Variants in PTPRM observed in about 807,000 individuals in gnomAD.
PTPRM encodes receptor-type tyrosine-protein phosphatase mu.
In PTPRM, 47 loss-of-function variants were observed where a neutral mutation model predicts 186.7. The observed-to-expected ratio is 0.25, with a 90% confidence interval of 0.20 to 0.32. The LOEUF (loss-of-function observed/expected upper bound fraction) is 0.32, where lower values mean the gene tolerates loss of function less well. PTPRM is among the 10% of genes least tolerant of loss of function. The pLI, the probability that PTPRM is intolerant of heterozygous loss-of-function variation, is 1.00. For missense variants in PTPRM, 1,494 were observed against 1,865.0 expected (o/e 0.80, Z 3.66); for synonymous variants, 668 against 674.9 (o/e 0.99, Z 0.16).
chr18:8,043,010 C>T (rs1274216107), intron 7 of PTPRM, among the ~76,000 whole-genome samples: 2 of 152,198 alleles, frequency 1.3e-5, no homozygotes, highest in Non-Finnish European at 2.9e-5. Context: ...CCCAGGTCCT[C>T]AGCCCTCTGT....
At chr18:7,685,481 T>G (rs1231457173) in intron 1 of PTPRM, among the ~76,000 whole-genome samples, 1 of 152,198 alleles carries the variant, frequency 6.6e-6, no homozygotes, top group Admixed American at 6.5e-5. Context: ...TTAATGTGTA[T>G]TATAGGTGAG....
intron 7 of PTPRM, among the ~76,000 whole-genome samples, chr18:7,981,711 A>C (rs1022582097): frequency 1.3e-5 from 2 of 152,208 alleles, no homozygotes; most frequent in Admixed American, 6.5e-5. Context: ...TTCTGTGAAC[A>C]TCATAGAGTG....
intron 1 of PTPRM, among the ~76,000 whole-genome samples, chr18:7,767,174 TAAAC>T (rs1234705068): frequency 6.6e-6 from 1 of 152,208 alleles, no homozygotes; most frequent in Non-Finnish European, 1.5e-5. Context: ...TCAAGCTAAA[TAAAC>T]AGTCTTAGGT....
intron 22 of PTPRM, among the ~76,000 whole-genome samples, chr18:8,334,393 G>A (rs912989161): frequency 2.0e-5 from 3 of 152,112 alleles, no homozygotes; most frequent in Non-Finnish European, 4.4e-5. Context: ...GCCACACTGG[G>A]GAGCCTTGGA....
chr18:8,146,822 T>C (rs1035590236), intron 14 of PTPRM, among the ~76,000 whole-genome samples: 1 of 152,198 alleles, frequency 6.6e-6, no homozygotes, highest in Non-Finnish European at 1.5e-5. Context: ...CTTGAGTTGA[T>C]TTTTGTATCA....
Position 8,389,450 on chromosome 18 carries a change from A to G in PTPRM, c.4208+2215A>G, listed in dbSNP as rs550194389. ...GACATTGCTGTTCCATGTAAAACCT[A>G]AAGCAATCAGCCGTTCTTCACAGTG... is the stretch of plus-strand genomic sequence containing the variant. On this transcript the variant is annotated intron_variant, in intron 31 of 32. Transcript: ENST00000580170. 3.9e-4 allele frequency among the ~76,000 whole-genome samples: 59 copies of G among 152,310 alleles called. 2 individuals carry two copies. The South Asian group carries it at 4.6e-3, about 12-fold the overall frequency.
intron 1 of PTPRM, among the ~76,000 whole-genome samples, chr18:7,738,585 G>C (rs1006913886): frequency 6.7e-6 from 1 of 149,810 alleles, no homozygotes; most frequent in African/African-American, 2.4e-5. Context: ...ATAGGCGCCC[G>C]CCACCACACC....
At chr18:7,963,902 T>G (rs2053846377) in intron 7 of PTPRM, among the ~76,000 whole-genome samples, 1 of 152,232 alleles carries the variant, frequency 6.6e-6, no homozygotes, top group African/African-American at 2.4e-5. Flanking sequence ...CTGCAGCCCC[T>G]GACATGTTTG....
intron 7 of PTPRM, among the ~76,000 whole-genome samples, chr18:7,996,105 C>G (rs1222995350): frequency 6.6e-6 from 1 of 151,730 alleles, no homozygotes; most frequent in Non-Finnish European, 1.5e-5. Flanking sequence ...GAGACAAAAG[C>G]TTTTATTTCT....
chr18:7,672,459 A>G (rs559477535), intron 1 of PTPRM, among the ~76,000 whole-genome samples: 40 of 152,310 alleles, frequency 2.6e-4, no homozygotes, highest in African/African-American at 9.1e-4. Flanking sequence ...GTTTTACTCA[A>G]TTTTTATACC....
chr18:7,922,122 A>AGTTTGCCT (rs560192525), intron 4 of PTPRM, among the ~76,000 whole-genome samples: 59 of 152,258 alleles, frequency 3.9e-4, no homozygotes, highest in Non-Finnish European at 6.3e-4. Context: ...CTTAAGCCAA[A>AGTTTGCCT]GTTTGCCTCA....
intron 2 of PTPRM, among the ~76,000 whole-genome samples, chr18:7,796,474 C>G (rs2043654239): frequency 6.6e-6 from 1 of 152,188 alleles, no homozygotes; most frequent in African/African-American, 2.4e-5. Flanking sequence ...TTTGCTGGAG[C>G]CAATTCATTC....
At chr18:8,176,547 A>G (rs758110812) in intron 14 of PTPRM, among the ~76,000 whole-genome samples, 1 of 152,230 alleles carries the variant, frequency 6.6e-6, no homozygotes, top group Non-Finnish European at 1.5e-5. Context: ...GCTGTCAACT[A>G]TTAAGCTTAA....
intron 2 of PTPRM, among the ~76,000 whole-genome samples, chr18:7,842,676 G>T (rs1253296465): frequency 6.6e-6 from 1 of 151,862 alleles, no homozygotes; most frequent in East Asian, 1.9e-4. Flanking sequence ...TTTCAAGATT[G>T]TAACATAGAA....
chr18:7,793,854 A>G (rs1181355548), intron 2 of PTPRM, among the ~76,000 whole-genome samples: 2 of 152,144 alleles, frequency 1.3e-5, no homozygotes, highest in Non-Finnish European at 2.9e-5. Flanking sequence ...GCAGGCAGAC[A>G]CACAAGCAGC....
chr18:8,095,108 T>C (rs554149360), intron 11 of PTPRM, among the ~76,000 whole-genome samples: 10 of 152,102 alleles, frequency 6.6e-5, no homozygotes, highest in Non-Finnish European at 1.5e-4. Context: ...AGGAGGCTGC[T>C]AAGGGCTCTC....
chr18:8,400,038 C>T (rs956067554), intron 32 of PTPRM, among the ~76,000 whole-genome samples: 1 of 152,146 alleles, frequency 6.6e-6, no homozygotes, highest in South Asian at 2.1e-4. Context: ...CATGCTCTTG[C>T]ACCGGGAGAA....
intron 2 of PTPRM, among the ~76,000 whole-genome samples, chr18:7,776,515 T>C (rs532793968): frequency 6.6e-6 from 1 of 151,962 alleles, no homozygotes; most frequent in South Asian, 2.1e-4. Flanking sequence ...TTTCTTTCTT[T>C]TTTTTTTTAC....
intron 1 of PTPRM, among the ~76,000 whole-genome samples, chr18:7,707,418 G>T (rs2040118043): frequency 6.6e-6 from 1 of 151,994 alleles, no homozygotes; most frequent in South Asian, 2.1e-4. Context: ...ATCACTTAAG[G>T]CTGGAAGTTT....
Sources: allele counts gnomAD v4.1 joint callset (sites outside exome capture counted in the v4.1 genomes callset), GRCh38; gene constraint gnomAD v4.1.1; transcripts MANE v1.5; gene names NCBI Gene and HGNC (gene_info 2026-07-23, HGNC 2026-07-21).